Variants in HACD2 observed in about 807,000 individuals in gnomAD.
HACD2 encodes the protein very-long-chain (3R)-3-hydroxyacyl-CoA dehydratase 2.
Under a neutral mutation model 31.0 loss-of-function variants are expected in HACD2, and 15 were observed. The ratio of observed to expected loss-of-function variants is 0.48; its 90% CI spans 0.32 to 0.75. The LOEUF is 0.75. Among genes scored for constraint, HACD2 ranks in the 30% least tolerant of loss-of-function variants. The probability of loss-of-function intolerance (pLI) is 0.03; values close to 1 mark genes in which losing one functional copy is unlikely to be tolerated. For synonymous variants in HACD2, 115 were observed against 122.2 expected (o/e 0.94, Z 0.39); for missense variants, 283 against 313.0 (o/e 0.90, Z 0.72).
rs574863052 is a variant in HACD2, at chr3:123,512,082, T to C, written c.382-9401A>G. On this transcript the variant is annotated intron_variant, in intron 4 of 6. Coordinates refer to ENST00000383657, the MANE Select transcript of HACD2 (RefSeq NM_198402.5). ...ACAGCCTGCAGAACCATGAACCAAA[T>C]AGACCTCTTTTCTTTTCAAATCATT... Among the ~76,000 whole-genome samples the C allele has an allele frequency of 3.3e-5, 5 of 152,266 alleles. No homozygotes were observed. The South Asian group carries it at 6.2e-4, about 19-fold the overall frequency.
At position 123,524,437 on chromosome 3, in the gene HACD2, T is replaced by TA. The variant is rs1179303897; in HGVS notation, c.381+3948dup. Among the ~76,000 whole-genome samples, 8 of 152,102 alleles carry TA rather than the reference T, an allele frequency of 5.3e-5. No homozygotes were observed. In the East Asian group the frequency reaches 1.2e-3, roughly 22 times the overall value. ...GATTCATCTCAGAGCACTTGAGCAG[T>TA]AAAAAAACAGAGAAGCAATGTGTTG... On this transcript the variant is annotated intron_variant, in intron 4 of 6. Coordinates refer to ENST00000383657, the MANE Select transcript of HACD2 (RefSeq NM_198402.5).
At chr3:123,575,756 T>G (rs890513911) in intron 2 of HACD2, among the ~76,000 whole-genome samples, 2 of 152,196 alleles carry the variant, frequency 1.3e-5, no homozygotes. Flanking sequence ...TTTTTCTTCT[T>G]TCAAGTTTAA....
intron 3 of HACD2, among the ~76,000 whole-genome samples, chr3:123,566,011 T>C (rs372805985): frequency 3.9e-5 from 6 of 152,280 alleles, no homozygotes; most frequent in Non-Finnish European, 7.4e-5. Context: ...TCACTAGTTT[T>C]CTCTGGGAAA....
chr3:123,579,711 A>G (rs1349499273), intron 2 of HACD2, among the ~76,000 whole-genome samples: 1 of 152,204 alleles, frequency 6.6e-6, no homozygotes, highest in Non-Finnish European at 1.5e-5. Context: ...TGGAAGTCTG[A>G]TGGTCTTGAC....
intron 3 of HACD2, among the ~76,000 whole-genome samples, chr3:123,545,339 G>C (rs977817562): frequency 6.6e-5 from 10 of 151,022 alleles, no homozygotes; most frequent in African/African-American, 2.4e-4. Context: ...AAAATTAGCT[G>C]TGCGTGGTGG....
intron 3 of HACD2, among the ~76,000 whole-genome samples, chr3:123,559,100 T>G (rs756851362): frequency 1.3e-5 from 2 of 152,226 alleles, no homozygotes; most frequent in Non-Finnish European, 2.9e-5. Context: ...CAGACAGTGA[T>G]AGAAAAACAT....
rs532961067 is a variant in HACD2, at chr3:123,556,140, T to TA, written c.292+11621dup. Among the ~76,000 whole-genome samples the TA allele has an allele frequency of 1.7e-3, 259 of 151,902 alleles. 2 individuals are homozygous for TA. Among genetic ancestry groups the TA allele is most frequent in the Middle Eastern group, 0.01 (3 of 292 alleles). On this transcript the variant is annotated intron_variant, in intron 3 of 6. Transcript: ENST00000383657. ...GGGCAACACAGCAAGACCCCATCTC[T>TA]AAAAAATAAATTGAGGCCGGGTGAA... is the stretch of plus-strand genomic sequence containing the variant.
At chr3:123,496,613 C>T (rs1408214205) in intron 6 of HACD2, among the ~76,000 whole-genome samples, 1 of 152,194 alleles carries the variant, frequency 6.6e-6, no homozygotes, top group Non-Finnish European at 1.5e-5. Context: ...AGGCAGAGAA[C>T]TATTTTGGCA....
chr3:123,553,684 A>G (rs1224891402), intron 3 of HACD2, among the ~76,000 whole-genome samples: 1 of 152,242 alleles, frequency 6.6e-6, no homozygotes, highest in Non-Finnish European at 1.5e-5. Context: ...AAACCACTGC[A>G]TATTTAGATA....
At chr3:123,576,703 G>A (rs915436243) in intron 2 of HACD2, among the ~76,000 whole-genome samples, 1 of 152,122 alleles carries the variant, frequency 6.6e-6, no homozygotes, top group African/African-American at 2.4e-5. Flanking sequence ...AACAGACAAC[G>A]GTTATGTCCT....
intron 3 of HACD2, among the ~76,000 whole-genome samples, chr3:123,555,332 G>C (rs1034528480): frequency 9.9e-5 from 15 of 151,908 alleles, no homozygotes; most frequent in African/African-American, 2.7e-4. Flanking sequence ...CTATATAGAA[G>C]ATCTCAAAGA....
intron 1 of HACD2, chr3:123,584,621 C>G (rs1215340712): frequency 2.2e-5 from 7 of 323,702 alleles, no homozygotes; most frequent in Admixed American, 1.0e-4. Context: ...AGCCAGCGCC[C>G]GGCAGCCGTC....
At chr3:123,573,349 C>T (rs1454242390) in intron 2 of HACD2, among the ~76,000 whole-genome samples, 4 of 152,158 alleles carry the variant, frequency 2.6e-5, no homozygotes, top group Non-Finnish European at 4.4e-5. Flanking sequence ...CCTTTCCACT[C>T]TCTTCTGGTT....
intron 2 of HACD2, among the ~76,000 whole-genome samples, chr3:123,570,233 T>A (rs1053283506): frequency 6.6e-6 from 1 of 151,892 alleles, no homozygotes; most frequent in Non-Finnish European, 1.5e-5. Flanking sequence ...CTACACAAAA[T>A]TTTCAAAAGC....
At position 123,502,594 on chromosome 3, in the gene HACD2, AT is replaced by A. The variant is rs2055916355; in HGVS notation, c.468del (p.Leu157Ter). 6.2e-7 allele frequency: 1 copy of A among 1,611,458 alleles called. No individual in the cohort carries two copies. The highest frequency in any genetic ancestry group is 1.3e-5 in the African/African-American group (1 of 74,914). ...TTGATGAGGTAAGGCAGATGGTTTA[AT>A]AGACTGAATGTATAAAAGGAGTAAC... ...IIRYSFYTFS[L>X]LNHLPYLIKW... is the part of the protein sequence containing the mutation. On this transcript the variant is annotated frameshift_variant, in exon 5 of 7. Transcript: ENST00000383657. LOFTEE classifies it high-confidence loss of function.
At chr3:123,557,348 C>A (rs1012347768) in intron 3 of HACD2, among the ~76,000 whole-genome samples, 1 of 152,174 alleles carries the variant, frequency 6.6e-6, no homozygotes, top group African/African-American at 2.4e-5. Context: ...ATGTCTTTCA[C>A]GAAACCAGTC....
chr3:123,516,190 T>C (rs1251325328), intron 4 of HACD2, among the ~76,000 whole-genome samples: 1 of 151,952 alleles, frequency 6.6e-6, no homozygotes, highest in Non-Finnish European at 1.5e-5. Flanking sequence ...TATAAAAATA[T>C]TAATATTTCT....
At chr3:123,551,036 T>C (rs1214531100) in intron 3 of HACD2, among the ~76,000 whole-genome samples, 1 of 152,120 alleles carries the variant, frequency 6.6e-6, no homozygotes, top group Non-Finnish European at 1.5e-5. Flanking sequence ...GGCAGCAATG[T>C]CCTCAAGTAG....
intron 3 of HACD2, among the ~76,000 whole-genome samples, chr3:123,550,126 T>C (rs532466543): frequency 1.3e-5 from 2 of 152,270 alleles, no homozygotes; most frequent in South Asian, 4.1e-4. Flanking sequence ...CTGGGCAACA[T>C]AGTGAGACCC....
Sources: allele counts gnomAD v4.1 joint callset (sites outside exome capture counted in the v4.1 genomes callset), GRCh38; gene constraint gnomAD v4.1.1; transcripts MANE v1.5; gene names NCBI Gene and HGNC (gene_info 2026-07-23, HGNC 2026-07-21).